Variants in CALD1 observed in about 807,000 individuals in gnomAD.
The protein encoded by CALD1 is caldesmon.
Under a neutral mutation model 99.9 loss-of-function variants are expected in CALD1, and 33 were observed. That is an observed-to-expected ratio of 0.33 (90% CI 0.25 to 0.44). The LOEUF (loss-of-function observed/expected upper bound fraction) is 0.44. Ranked by LOEUF, CALD1 falls within the 20% of genes least tolerant of loss-of-function variation. CALD1 has a pLI of 1.00. For missense variants in CALD1, 861 were observed against 962.1 expected (o/e 0.89, Z 1.39); for synonymous variants, 310 against 325.0 (o/e 0.95, Z 0.50).
At chr7:134,823,185 C>G (rs1798850489) in intron 1 of CALD1, among the ~76,000 whole-genome samples, 1 of 152,102 alleles carries the variant, frequency 6.6e-6, no homozygotes, top group Non-Finnish European at 1.5e-5. Flanking sequence ...CCTATGAGAA[C>G]AAAGCCAAAC....
At chr7:134,811,579 C>G (rs1249475813) in intron 1 of CALD1, among the ~76,000 whole-genome samples, 3 of 152,198 alleles carry the variant, frequency 2.0e-5, no homozygotes, top group African/African-American at 7.2e-5. Context: ...TTTCATCACA[C>G]TTGAAGTTTA....
chr7:134,866,556 A>T (rs182253155), intron 2 of CALD1, among the ~76,000 whole-genome samples: 2 of 152,258 alleles, frequency 1.3e-5, no homozygotes, highest in Admixed American at 1.3e-4. Context: ...TGGACAATTT[A>T]TTTAAGAAGG....
At chr7:134,887,854 CTGTGTGTGCA>C in intron 3 of CALD1, among the ~76,000 whole-genome samples, 1 of 150,286 alleles carries the variant, frequency 6.7e-6, no homozygotes, top group East Asian at 2.0e-4. Flanking sequence ...GTGTGTGTGC[CTGTGTGTGCA>C]TGTGTGTCTG....
intron 1 of CALD1, among the ~76,000 whole-genome samples, chr7:134,841,093 A>AT (rs907125693): frequency 2.0e-5 from 3 of 151,948 alleles, no homozygotes; most frequent in Non-Finnish European, 2.9e-5. Context: ...TACACAATAC[A>AT]TTTTTTTCGT....
At chr7:134,877,445 T>C (rs1296166450) in intron 3 of CALD1, among the ~76,000 whole-genome samples, 1 of 152,188 alleles carries the variant, frequency 6.6e-6, no homozygotes, top group Non-Finnish European at 1.5e-5. Flanking sequence ...AAGCATGCAA[T>C]AGTCTGGTAC....
At chr7:134,911,198 C>CTTTTTTTTTTTTTTT (rs964515625) in intron 3 of CALD1, among the ~76,000 whole-genome samples, 1 of 118,122 alleles carries the variant, frequency 8.5e-6, no homozygotes. Flanking sequence ...TTTCCTTTTT[C>CTTTTTTTTTTTTTTT]TTTTTTTTTT....
At chr7:134,724,110 GATTCC>G in the CALD1 span, among the ~76,000 whole-genome samples, 2 of 152,218 alleles carry the variant, frequency 1.3e-5, no homozygotes, top group South Asian at 4.1e-4. Flanking sequence ...TGCCCAGAGG[GATTCC>G]CTTCAAGGGT....
At chr7:134,789,186 A>G (rs1387576184) in intron 1 of CALD1, among the ~76,000 whole-genome samples, 1 of 152,190 alleles carries the variant, frequency 6.6e-6, no homozygotes, top group Non-Finnish European at 1.5e-5. Context: ...GATTTTTATT[A>G]GGTAAAAATA....
chr7:134,924,491 T>C (rs1243624174), intron 3 of CALD1, among the ~76,000 whole-genome samples: 2 of 152,144 alleles, frequency 1.3e-5, no homozygotes, highest in Non-Finnish European at 2.9e-5. Flanking sequence ...CTAACGCTAA[T>C]GTAGGGAGCC....
intron 1 of CALD1, among the ~76,000 whole-genome samples, chr7:134,763,122 T>C (rs1796793523): frequency 6.6e-6 from 1 of 152,248 alleles, no homozygotes; most frequent in African/African-American, 2.4e-5. Flanking sequence ...TCTCTCAGTC[T>C]ATCTATCTAG....
chr7:134,906,163 C>G (rs946385989), intron 3 of CALD1, among the ~76,000 whole-genome samples: 1 of 152,034 alleles, frequency 6.6e-6, no homozygotes, highest in African/African-American at 2.4e-5. Flanking sequence ...CTCCTGACCT[C>G]AGGTGATCCA....
chr7:134,899,418 G>A (rs1802820169), intron 3 of CALD1, among the ~76,000 whole-genome samples: 1 of 152,078 alleles, frequency 6.6e-6, no homozygotes, highest in South Asian at 2.1e-4. Context: ...GGCCACGCTG[G>A]TGTTGAACTC....
intron 9 of CALD1, among the ~76,000 whole-genome samples, chr7:134,952,000 G>A (rs1022118132): frequency 1.3e-5 from 2 of 152,308 alleles, no homozygotes; most frequent in African/African-American, 2.4e-5. Context: ...AAAGCCATGA[G>A]AGAATTATAC....
chr7:134,956,253 C>A (rs957752977), intron 9 of CALD1, among the ~76,000 whole-genome samples: 1 of 151,250 alleles, frequency 6.6e-6, no homozygotes, highest in African/African-American at 2.4e-5. Flanking sequence ...AAAAAAAAAA[C>A]TCTGTGGTAT....
chr7:134,734,361 G>T, the CALD1 span, among the ~76,000 whole-genome samples: 2 of 151,910 alleles, frequency 1.3e-5, no homozygotes, highest in Non-Finnish European at 2.9e-5. Flanking sequence ...TGGGTTTTTT[G>T]TTTTTACTAT....
chr7:134,725,188 G>T, the CALD1 span, among the ~76,000 whole-genome samples: 1 of 152,194 alleles, frequency 6.6e-6, no homozygotes, highest in Non-Finnish European at 1.5e-5. Context: ...TATGTGGACA[G>T]CCCAGACTAG....
chr7:134,794,475 G>T (rs1797670268), intron 1 of CALD1, among the ~76,000 whole-genome samples: 1 of 152,116 alleles, frequency 6.6e-6, no homozygotes, highest in Admixed American at 6.5e-5. Flanking sequence ...AGCAATGGCT[G>T]CCATAGGTTT....
At chr7:134,935,952 G>A (rs1478561401) in intron 6 of CALD1, among the ~76,000 whole-genome samples, 187 bp downstream of exon 6, 1 of 152,132 alleles carries the variant, frequency 6.6e-6, no homozygotes, top group Non-Finnish European at 1.5e-5. Flanking sequence ...GTATCAGTCA[G>A]CATTTTTTAA....
Position 134,933,063 on chromosome 7 carries a change from G to A in CALD1, c.294G>A (p.Glu98=). ...VEGDDEAAFL[E]RLARREERRQ... Reference sequence around the variant, plus strand: ...GGGATGATGAGGCCGCATTCCTGGAGCGCCTGGCTCGGCGTGAGGAAAGAC... The same window carrying A: ...GGGATGATGAGGCCGCATTCCTGGAACGCCTGGCTCGGCGTGAGGAAAGAC... The change falls in exon 5 of 15, where the codon GAG becomes GAA. Residue 98 remains glutamate (E), a synonymous_variant. Transcript: ENST00000361675. 1 of 1,614,020 alleles carries A rather than the reference G, an allele frequency of 6.2e-7. No individual in the cohort carries two copies. The highest frequency in any genetic ancestry group is 8.5e-7 in the Non-Finnish European group (1 of 1,179,984).
Sources: gnomAD v4.1 joint callset for allele counts (sites outside exome capture counted in the v4.1 genomes callset) on GRCh38, gnomAD v4.1.1 for gene constraint, MANE v1.5 for transcripts, NCBI Gene and HGNC (gene_info 2026-07-23, HGNC 2026-07-21) for gene names.